NAV3: variants seen among roughly 807,000 people sequenced by gnomAD.
NAV3 encodes neuron navigator 3, also known as pore membrane and/or filament interacting like protein 1.
A neutral mutation model predicts 244.7 loss-of-function variants in NAV3; 87 were observed. The ratio of observed to expected loss-of-function variants is 0.36; its 90% CI spans 0.30 to 0.42. NAV3 has a LOEUF of 0.42. Ranked by LOEUF, NAV3 falls within the 20% of genes least tolerant of loss-of-function variation. NAV3 has a pLI of 1.00. For synonymous variants in NAV3, 1,126 were observed against 1,042.2 expected (o/e 1.08, Z -1.55); for missense variants, 2,663 against 2,893.3 (o/e 0.92, Z 1.83).
At chr12:77,869,874 G>A (rs2136438770) in intron 1 of NAV3, among the ~76,000 whole-genome samples, 1 of 152,314 alleles carries the variant, frequency 6.6e-6, no homozygotes, top group African/African-American at 2.4e-5. Flanking sequence ...TACAAGGCAT[G>A]CAATAACTAT....
intron 9 of NAV3, chr12:78,037,062 T>C (rs1340433804): frequency 1.4e-6 from 1 of 702,770 alleles, no homozygotes; most frequent in Non-Finnish European, 2.6e-6. Context: ...AGAGCGGCGC[T>C]CACTGTCCAA....
rs1873594883 is a variant in NAV3, at chr12:77,831,175, GAGAGAGAGAGAGAGAGAGAC to G, written c.-267_-248del. On this transcript the variant is annotated 5_prime_UTR_variant, in exon 1 of 40. Transcript: ENST00000397909. Reference sequence around the variant, plus strand: ...ACAGAGAGAGAGAGAGAGACAGAGAGAGAGAGAGAGAGAGAGAGACAGAGAGAGAGAGAGAGAGAGAGAAA... The same window carrying G: ...ACAGAGAGAGAGAGAGAGACAGAGAGAGAGAGAGAGAGAGAGAGAGAGAAA... 5.6e-5 allele frequency: 9 copies of G among 160,658 alleles called. No individual in the cohort carries two copies. The highest frequency in any genetic ancestry group is 1.8e-4 in the East Asian group (1 of 5,618). The allele number at this position is 160,658 out of a possible 1,614,324, so 10.0% of individuals were successfully genotyped here. A position where few individuals can be genotyped will look rare whatever the true frequency, so the allele number is the denominator to read the frequency against.
chr12:77,880,376 A>G (rs985269098), intron 1 of NAV3, among the ~76,000 whole-genome samples: 4 of 152,192 alleles, frequency 2.6e-5, no homozygotes, highest in Non-Finnish European at 5.9e-5. Flanking sequence ...CAGTAACTTC[A>G]TAGAGGCTCT....
chr12:77,823,490 C>T (rs978754260), intron 2 of NAV3, among the ~76,000 whole-genome samples: 2 of 152,206 alleles, frequency 1.3e-5, no homozygotes, highest in Admixed American at 1.3e-4. Flanking sequence ...GAATAGTTGA[C>T]GTTTTCCCCA....
chr12:78,006,226 C>A (rs1874190746), intron 7 of NAV3, among the ~76,000 whole-genome samples, 193 bp from the exon 8 acceptor site: 1 of 151,822 alleles, frequency 6.6e-6, no homozygotes, highest in Non-Finnish European at 1.5e-5. Context: ...AGAATCAATG[C>A]CTCTCAAACA....
intron 12 of NAV3, among the ~76,000 whole-genome samples, chr12:78,090,709 C>T (rs780137184): frequency 5.3e-5 from 8 of 151,986 alleles, no homozygotes; most frequent in African/African-American, 1.5e-4. Context: ...AAAACTGTTA[C>T]GGTTGACACA....
chr12:77,676,362 G>A (rs1197841972), intron 2 of NAV3, among the ~76,000 whole-genome samples: 1 of 152,062 alleles, frequency 6.6e-6, no homozygotes. Context: ...GGCTTACAAG[G>A]TGGTGTCCTC....
chr12:77,654,729 C>T (rs1368819028), intron 2 of NAV3, among the ~76,000 whole-genome samples: 1 of 152,110 alleles, frequency 6.6e-6, no homozygotes, highest in African/African-American at 2.4e-5. Context: ...ACTGACACCT[C>T]ACATGGCCGG....
At chr12:77,999,632 G>A (rs1035355644) in intron 7 of NAV3, among the ~76,000 whole-genome samples, 2 of 152,086 alleles carry the variant, frequency 1.3e-5, no homozygotes, top group East Asian at 3.8e-4. Context: ...AATATCTTAA[G>A]CTCTTGAGTT....
chr12:77,792,387 G>T (rs1345271759), intron 2 of NAV3, among the ~76,000 whole-genome samples: 1 of 152,122 alleles, frequency 6.6e-6, no homozygotes, highest in Non-Finnish European at 1.5e-5. Flanking sequence ...CTACCATGGT[G>T]CCCAAATATC....
intron 1 of NAV3, among the ~76,000 whole-genome samples, chr12:77,832,670 T>A (rs1565836915): frequency 6.6e-6 from 1 of 152,182 alleles, no homozygotes; most frequent in African/African-American, 2.4e-5. Context: ...AAATATAGAA[T>A]AAGTTATTGT....
chr12:77,757,272 T>A (rs1869229803), intron 2 of NAV3, among the ~76,000 whole-genome samples: 1 of 152,198 alleles, frequency 6.6e-6, no homozygotes, highest in African/African-American at 2.4e-5. Flanking sequence ...TTAGCCAAAG[T>A]TAGTCACATA....
intron 2 of NAV3, among the ~76,000 whole-genome samples, chr12:77,812,576 G>A (rs533982522): frequency 5.9e-5 from 9 of 151,390 alleles, no homozygotes; most frequent in East Asian, 4.0e-4. Flanking sequence ...CACTATGCCC[G>A]GCTAATTTTT....
At chr12:77,813,734 C>G (rs1262941796) in intron 2 of NAV3, among the ~76,000 whole-genome samples, 10 of 152,120 alleles carry the variant, frequency 6.6e-5, no homozygotes, top group African/African-American at 2.2e-4. Context: ...GGGTCAGAAA[C>G]CACACAGTCG....
At chr12:77,721,119 G>A (rs1348848476) in intron 2 of NAV3, among the ~76,000 whole-genome samples, 1 of 152,132 alleles carries the variant, frequency 6.6e-6, no homozygotes, top group Non-Finnish European at 1.5e-5. Flanking sequence ...CCCACGGTAA[G>A]CTGAGAAGCT....
At chr12:77,613,279 T>C (rs1396845953) in intron 2 of NAV3, among the ~76,000 whole-genome samples, 1 of 152,172 alleles carries the variant, frequency 6.6e-6, no homozygotes, top group African/African-American at 2.4e-5. Flanking sequence ...TTTTCAAATG[T>C]GTTCTTTTTT....
chr12:77,724,100 A>G lies in NAV3; in HGVS notation c.72+151834A>G, dbSNP rs150592034. Among the ~76,000 whole-genome samples, 22 of 152,066 alleles carry G rather than the reference A, an allele frequency of 1.4e-4. No homozygotes were observed. In the East Asian group the frequency reaches 4.3e-3, roughly 29 times the overall value. Reference sequence around the variant, plus strand: ...ATAAATGAGATAAAGTATATAACATATTCTAGATGCACATGTAAAGTATCA... The same window carrying G: ...ATAAATGAGATAAAGTATATAACATGTTCTAGATGCACATGTAAAGTATCA... On this transcript the variant is annotated intron_variant, in intron 2 of 8. Transcript: ENST00000550042.
At chr12:77,857,397 T>A (rs12316533) in intron 1 of NAV3, among the ~76,000 whole-genome samples, 68,009 of 151,602 alleles carry the variant, frequency 0.45, 15,747 homozygotes, top group Non-Finnish European at 0.51. Flanking sequence ...TTCTTTGGTG[T>A]TTAGTGTTAA....
chr12:78,136,703 A>G (rs959041512), intron 18 of NAV3, among the ~76,000 whole-genome samples: 4 of 152,192 alleles, frequency 2.6e-5, no homozygotes, highest in African/African-American at 9.6e-5. Context: ...ACTTACATCA[A>G]TTAAGAGCTT....
Sources: gnomAD v4.1 joint callset for allele counts (sites outside exome capture counted in the v4.1 genomes callset) on GRCh38, gnomAD v4.1.1 for gene constraint, MANE v1.5 for transcripts, NCBI Gene and HGNC (gene_info 2026-07-23, HGNC 2026-07-21) for gene names.